PCDHGB1: variants seen among roughly 807,000 people sequenced by gnomAD.
The protein encoded by PCDHGB1 is protocadherin gamma subfamily B, 1.
PCDHGB1 carries 34 observed loss-of-function variants against 56.6 expected under a neutral mutation model. The observed-to-expected ratio is 0.60, with a 90% CI of 0.46 to 0.80. The LOEUF (loss-of-function observed/expected upper bound fraction) is 0.80. Among genes scored for constraint, PCDHGB1 ranks in the 30% least tolerant of loss-of-function variants. The pLI is 0.00. For missense variants in PCDHGB1, 1,278 were observed against 1,204.6 expected (o/e 1.06, Z -0.90); for synonymous variants, 561 against 505.9 (o/e 1.11, Z -1.46).
chr5:141,481,729 G>A (rs757464454), intron 1 of PCDHGB1, among the ~76,000 whole-genome samples: 6 of 151,966 alleles, frequency 3.9e-5, no homozygotes, highest in Admixed American at 1.3e-4. Flanking sequence ...GGAGGCGGGC[G>A]GATCACGAGG....
At chr5:141,422,690 T>C (rs1384522137) in intron 1 of PCDHGB1, 1 of 1,603,790 alleles carries the variant, frequency 6.2e-7, no homozygotes, top group African/African-American at 1.3e-5. Flanking sequence ...AATGCCCTGG[T>C]CACTTACTCT....
At position 141,385,291 on chromosome 5, in the gene PCDHGB1, C is replaced by T. The variant is rs375490912; in HGVS notation, c.2409+32622C>T. On this transcript the variant is annotated intron_variant, in intron 1 of 3. Coordinates refer to ENST00000523390, the MANE Select transcript of PCDHGB1 (RefSeq NM_018922.3). ...TTCTTTGCTAACATCCGTAGATTTT[C>T]AGGAATGTAAAGAAAACCTGCCAAG... 1.3e-5 allele frequency: 21 copies of T among 1,613,668 alleles called. No individual in the cohort carries two copies. In the African/African-American group the frequency reaches 2.7e-4, roughly 20 times the overall value.
At chr5:141,448,984 A>C (rs2098621334) in intron 1 of PCDHGB1, among the ~76,000 whole-genome samples, 1 of 152,086 alleles carries the variant, frequency 6.6e-6, no homozygotes, top group Non-Finnish European at 1.5e-5. Context: ...CTTCCATATT[A>C]ATATATAGAA....
intron 1 of PCDHGB1, chr5:141,415,504 C>G (rs1444248720): frequency 1.2e-6 from 2 of 1,614,216 alleles, no homozygotes; most frequent in South Asian, 2.2e-5. Flanking sequence ...CTTCCCCCAG[C>G]CCAATTATGC....
At chr5:141,500,340 C>A (rs188966393) in intron 2 of PCDHGB1, among the ~76,000 whole-genome samples, 92 of 152,066 alleles carry the variant, frequency 6.0e-4, no homozygotes, top group African/African-American at 2.1e-3. Flanking sequence ...TCCAGAATAG[C>A]TGGGACTACA....
intron 1 of PCDHGB1, chr5:141,390,447 G>A: frequency 1.2e-6 from 1 of 843,848 alleles, no homozygotes; most frequent in Non-Finnish European, 1.8e-6. Flanking sequence ...TACAAAGGAG[G>A]AGTAAAGTAG....
chr5:141,361,727 C>T, intron 1 of PCDHGB1: 3 of 1,613,274 alleles, frequency 1.9e-6, no homozygotes, highest in Non-Finnish European at 2.5e-6. Context: ...TTCGAGCTCA[C>T]ACTGCAGGCC....
intron 1 of PCDHGB1, chr5:141,383,740 T>C: frequency 6.2e-7 from 1 of 1,614,008 alleles, no homozygotes. Context: ...GACATATTCT[T>C]TTCGGAAAAT....
chr5:141,420,135 A>T (rs2096469364), intron 1 of PCDHGB1: 1 of 1,614,026 alleles, frequency 6.2e-7, no homozygotes. Flanking sequence ...GTGCCTGGGG[A>T]TCAAATGAAT....
chr5:141,407,471 A>G (rs1343289603), intron 1 of PCDHGB1, among the ~76,000 whole-genome samples: 1 of 146,104 alleles, frequency 6.8e-6, no homozygotes, highest in African/African-American at 2.5e-5. Context: ...AGATGACTGA[A>G]TGGAGTATGG....
intron 1 of PCDHGB1, among the ~76,000 whole-genome samples, chr5:141,401,168 C>T (rs2094123018): frequency 1.3e-5 from 2 of 152,142 alleles, no homozygotes; most frequent in Non-Finnish European, 2.9e-5. Flanking sequence ...ATGGTGAAAA[C>T]CCGTCTCTAC....
chr5:141,479,050 C>G (rs1484021560), intron 1 of PCDHGB1, among the ~76,000 whole-genome samples: 1 of 152,164 alleles, frequency 6.6e-6, no homozygotes, highest in South Asian at 2.1e-4. Context: ...ACCTCATTCT[C>G]AGATAATTTT....
intron 1 of PCDHGB1, chr5:141,388,897 A>G (rs768114504): frequency 6.2e-7 from 1 of 1,613,994 alleles, no homozygotes; most frequent in Non-Finnish European, 8.5e-7. Context: ...GTCATAGATG[A>G]AAATGACAAC....
In PCDHGB1 at chr5:141,490,275, C is replaced by A; in HGVS notation, c.2410-4532C>A. 6.2e-7 allele frequency: 1 copy of A among 1,614,238 alleles called. No individual in the cohort carries two copies. The highest frequency in any genetic ancestry group is 8.5e-7 in the Non-Finnish European group (1 of 1,180,044). On this transcript the variant is annotated intron_variant, in intron 1 of 3. Transcript: ENST00000523390. The surrounding 1 kb of genome is among the most constrained non-coding windows in gnomAD (Gnocchi z 5.4). Reference sequence around the variant, plus strand: ...AAGTGGATGTGGGGGATGTCAATGACAATGCCCCAGAGGTGCTATTGGCCT... The same window carrying A: ...AAGTGGATGTGGGGGATGTCAATGAAAATGCCCCAGAGGTGCTATTGGCCT...
chr5:141,423,757 G>GGC, intron 1 of PCDHGB1: 1 of 395,122 alleles, frequency 2.5e-6, no homozygotes, highest in East Asian at 1.5e-4. Context: ...GTTTGGGGGG[G>GGC]GGGTGGGGCG....
chr5:141,419,274 C>T lies in PCDHGB1; in HGVS notation c.2409+66605C>T, dbSNP rs755798236. 17 of 1,613,900 alleles carry T rather than the reference C, an allele frequency of 1.1e-5. No homozygotes were observed. Among genetic ancestry groups the T allele is most frequent in the African/African-American group, 1.3e-5 (1 of 74,948 alleles). ...AACAACCAGCCGGGTGCCTCCATAG[C>T]GCAAGTCAGTGCCTCTGACCCAGAC... is the stretch of plus-strand genomic sequence containing the variant. On this transcript the variant is annotated intron_variant, in intron 1 of 3. Transcript: ENST00000523390.
chr5:141,375,016 C>T (rs939863882), intron 1 of PCDHGB1: 3 of 1,613,992 alleles, frequency 1.9e-6, no homozygotes, highest in Non-Finnish European at 1.7e-6. Flanking sequence ...ACTATGAGGA[C>T]TCGAGTTTTT....
chr5:141,393,356 C>G (rs1174239790), intron 1 of PCDHGB1: 3 of 1,613,978 alleles, frequency 1.9e-6, no homozygotes, highest in East Asian at 2.2e-5. Context: ...TCTCCCTGGA[C>G]GTGCAGACTG....
chr5:141,359,769 G>A (rs1015704622), intron 1 of PCDHGB1, among the ~76,000 whole-genome samples: 1 of 152,134 alleles, frequency 6.6e-6, no homozygotes, highest in Non-Finnish European at 1.5e-5. Flanking sequence ...AGAGATGAAA[G>A]GAAGAACCTA....
Sources: allele counts gnomAD v4.1 joint callset (sites outside exome capture counted in the v4.1 genomes callset), GRCh38; gene constraint gnomAD v4.1.1; non-coding constraint Gnocchi (gnomAD v3.1); transcripts MANE v1.5; gene names NCBI Gene and HGNC (gene_info 2026-07-23, HGNC 2026-07-21).